The following CHM variants were observed in gnomAD, a reference collection of about 807,000 sequenced individuals.
CHM encodes the protein CHM Rab escort protein, also known as rab proteins geranylgeranyltransferase component A 1.
In CHM, 10 loss-of-function variants were observed where a neutral mutation model predicts 49.0. The ratio of observed to expected loss-of-function variants is 0.20; its 90% CI spans 0.13 to 0.35. The LOEUF is 0.35. Among genes scored for constraint, CHM ranks in the 10% least tolerant of loss-of-function variants. The probability of loss-of-function intolerance (pLI) is 1.00; values close to 1 mark genes in which losing one functional copy is unlikely to be tolerated. For synonymous variants in CHM, 184 were observed against 167.5 expected, an observed-to-expected ratio of 1.10 and a Z score of -0.76; for missense variants, 455 against 478.4, an observed-to-expected ratio of 0.95 and a Z score of 0.46.
At chrX:85,913,062 C>G (rs1255228231) in intron 8 of CHM, among the ~76,000 whole-genome samples, 15 of 98,297 alleles carry the variant, frequency 1.5e-4, no homozygotes, top group African/African-American at 5.6e-4. Flanking sequence ...GCAGGGCCCA[C>G]GCCTGTAATC....
At position 85,911,277 on chromosome X, in the gene CHM, C is replaced by A; in HGVS notation, c.1228G>T (p.Asp410Tyr). 2.1e-6 allele frequency: 2 copies of A among 959,222 alleles called. No homozygotes were observed. The highest frequency in any genetic ancestry group is 2.7e-6 in the Non-Finnish European group (2 of 738,385). The allele number at this position is 959,222 out of a possible 1,213,427, so 79.1% of individuals were successfully genotyped here. Residue 410 changes from aspartate (D) to tyrosine (Y), a missense_variant, in exon 9 of 15, where the codon GAC becomes TAC. By Grantham distance (160) the Asp-to-Tyr change is radical. Transcript: ENST00000357749. ...CATCCTTACTTTCTGGATTCTTTGTCCACTACAAGGCACTGTACTGAATGG... is the reference window on the plus strand; with the variant it reads ...CATCCTTACTTTCTGGATTCTTTGTACACTACAAGGCACTGTACTGAATGG... ...LRHSVQCLVV[D>Y]KESRKCKAII...
chrX:85,998,088 C>T (rs892179712), intron 2 of CHM, among the ~76,000 whole-genome samples: 23 of 111,635 alleles, frequency 2.1e-4, no homozygotes, highest in African/African-American at 7.2e-4. Context: ...TTTCTTTATA[C>T]ATTCCTATAT....
intron 6 of CHM, 88 bp from the exon 7 acceptor site, chrX:85,958,063 C>G: frequency 1.8e-6 from 2 of 1,089,563 alleles, no homozygotes; most frequent in Non-Finnish European, 2.5e-6. Context: ...TTACATATAA[C>G]AGGATTATCG....
intron 2 of CHM, among the ~76,000 whole-genome samples, chrX:86,009,919 C>T (rs1239908404): frequency 1.8e-5 from 2 of 109,762 alleles, no homozygotes; most frequent in African/African-American, 6.7e-5. Flanking sequence ...TTTTAAAAAT[C>T]CATCAATAAT....
chrX:85,958,507 C>T (rs906202900), intron 6 of CHM, among the ~76,000 whole-genome samples: 2 of 111,234 alleles, frequency 1.8e-5, no homozygotes, highest in Non-Finnish European at 3.8e-5. Flanking sequence ...GGGCCTCCTC[C>T]TCTGTGTGGA....
In CHM at chrX:85,977,008, T is replaced by G. The variant is rs1234879383; in HGVS notation, c.314+1759A>C. ...ATAACCTCCTGTATAATGTAAAACT[T>G]TGTGACAACTATTTTGGCCCTAGCC... On this transcript the variant is annotated intron_variant, in intron 4 of 14. Coordinates refer to ENST00000357749, the MANE Select transcript of CHM (RefSeq NM_000390.4). Among the ~76,000 whole-genome samples the G allele has an allele frequency of 5.4e-5, 6 of 111,760 alleles. No individual in the cohort carries two copies. The East Asian group carries it at 1.7e-3, about 31-fold the overall frequency.
At chrX:85,963,077 G>A (rs948474354) in intron 5 of CHM, among the ~76,000 whole-genome samples, 1 of 110,859 alleles carries the variant, frequency 9.0e-6, no homozygotes, top group African/African-American at 3.3e-5. Flanking sequence ...GTATACACAC[G>A]CCATGGTGTT....
chrX:85,934,926 GT>G (rs1444635191), intron 8 of CHM, among the ~76,000 whole-genome samples: 1 of 111,699 alleles, frequency 9.0e-6, no homozygotes, highest in African/African-American at 3.3e-5. Flanking sequence ...TGTTATGAAT[GT>G]TTTGTTATAA....
chrX:85,983,968 G>A (rs908574677), intron 2 of CHM, among the ~76,000 whole-genome samples: 8 of 110,899 alleles, frequency 7.2e-5, no homozygotes, highest in Middle Eastern at 4.7e-3. Flanking sequence ...TTGGGAGGCC[G>A]AGGTGGGCGG....
At chrX:85,950,566 A>C (rs1345447066) in intron 8 of CHM, among the ~76,000 whole-genome samples, 1 of 110,535 alleles carries the variant, frequency 9.0e-6, no homozygotes, top group Non-Finnish European at 1.9e-5. Context: ...CAGAAGAGAG[A>C]ATGCTAAGTT....
At chrX:86,010,326 A>T (rs1453382094) in intron 2 of CHM, among the ~76,000 whole-genome samples, 1 of 105,860 alleles carries the variant, frequency 9.4e-6, no homozygotes, top group Non-Finnish European at 1.9e-5. Context: ...CATGTTGCGC[A>T]CATGTACCCT....
intron 12 of CHM, among the ~76,000 whole-genome samples, chrX:85,892,927 T>A (rs1925574371): frequency 1.8e-5 from 2 of 111,656 alleles, no homozygotes; most frequent in Middle Eastern, 4.6e-3. Flanking sequence ...TTACAAAAAA[T>A]TTTTTTCTAG....
intron 12 of CHM, among the ~76,000 whole-genome samples, chrX:85,891,259 G>C (rs748936837): frequency 8.0e-5 from 9 of 112,240 alleles, no homozygotes; most frequent in African/African-American, 1.3e-4. Context: ...CAAGCCTGTT[G>C]CAGAAATTTG....
intron 2 of CHM, among the ~76,000 whole-genome samples, chrX:86,001,679 A>G (rs913322082): frequency 4.5e-5 from 5 of 110,423 alleles, no homozygotes; most frequent in Non-Finnish European, 9.5e-5. Flanking sequence ...ATGGTGCTAA[A>G]TCATTCACGA....
At chrX:85,931,532 C>T (rs1928436884) in intron 8 of CHM, among the ~76,000 whole-genome samples, 1 of 111,658 alleles carries the variant, frequency 9.0e-6, no homozygotes, top group African/African-American at 3.3e-5. Flanking sequence ...TATCAGTTGT[C>T]AATAAGCCAA....
intron 6 of CHM, 147 bp from the exon 7 acceptor site, chrX:85,958,122 G>T: frequency 1.5e-6 from 1 of 670,605 alleles, no homozygotes. Context: ...CAGTACTAAT[G>T]GCATCTCTGC....
At chrX:86,036,269 G>C (rs1452498199) in intron 1 of CHM, among the ~76,000 whole-genome samples, 3 of 111,613 alleles carry the variant, frequency 2.7e-5, no homozygotes, top group African/African-American at 6.5e-5. Context: ...GAAATACATT[G>C]GTTTGGTTCA....
chrX:85,906,684 G>A lies in CHM; in HGVS notation c.1244+4577C>T, dbSNP rs767124974. On this transcript the variant is annotated intron_variant, in intron 9 of 14. Coordinates refer to ENST00000357749, the MANE Select transcript of CHM (RefSeq NM_000390.4). The stretch of plus-strand genomic sequence containing the variant: ...TTATCCCCATAACAACTAGCACGGG[G>A]GTTGGCAGACGTTAAGTATCCAGAA... Among the ~76,000 whole-genome samples the A allele has an allele frequency of 2.7e-5, 3 of 111,792 alleles. No homozygotes were observed. In the East Asian group the frequency reaches 8.4e-4, roughly 31 times the overall value.
chrX:85,909,372 T>C (rs950319188), intron 9 of CHM, among the ~76,000 whole-genome samples: 1 of 111,232 alleles, frequency 9.0e-6, no homozygotes, highest in African/African-American at 3.3e-5. Flanking sequence ...TACAGATCAG[T>C]GTTATCTAAT....
Sources: gnomAD v4.1 joint callset for allele counts (sites outside exome capture counted in the v4.1 genomes callset) on GRCh38, gnomAD v4.1.1 for gene constraint, MANE v1.5 for transcripts, NCBI Gene and HGNC (gene_info 2026-07-23, HGNC 2026-07-21) for gene names.